Variants in CNOT6L observed in about 807,000 individuals in gnomAD.
The protein encoded by CNOT6L is CCR4-NOT transcription complex subunit 6-like.
Under a neutral mutation model 64.0 loss-of-function variants are expected in CNOT6L, and 7 were observed. That is an observed-to-expected ratio of 0.11 (90% CI 0.06 to 0.21). CNOT6L has a LOEUF of 0.21. Ranked by LOEUF, CNOT6L falls within the 10% of genes least tolerant of loss-of-function variation. The pLI is 1.00. For synonymous variants in CNOT6L, 193 were observed against 243.4 expected (o/e 0.79, Z 1.93); for missense variants, 245 against 669.0 (o/e 0.37, Z 6.99).
chr4:77,772,765 A>G (rs1347915324), intron 4 of CNOT6L, among the ~76,000 whole-genome samples: 1 of 152,106 alleles, frequency 6.6e-6, no homozygotes, highest in Non-Finnish European at 1.5e-5. Context: ...TACTAAAAAT[A>G]CAAAAAAATT....
At chr4:77,794,738 A>G (rs1280558348) in intron 1 of CNOT6L, among the ~76,000 whole-genome samples, 4 of 152,198 alleles carry the variant, frequency 2.6e-5, no homozygotes, top group Middle Eastern at 3.2e-3. Flanking sequence ...TCTCACTTCT[A>G]TTGAAGTTTA....
At chr4:77,749,963 A>C (rs1411955865) in intron 5 of CNOT6L, among the ~76,000 whole-genome samples, 1 of 152,218 alleles carries the variant, frequency 6.6e-6, no homozygotes, top group Non-Finnish European at 1.5e-5. Context: ...ATATTAACGA[A>C]AGCAATAGTA....
At chr4:77,809,938 A>G (rs946615379) in intron 1 of CNOT6L, among the ~76,000 whole-genome samples, 1 of 152,136 alleles carries the variant, frequency 6.6e-6, no homozygotes, top group Non-Finnish European at 1.5e-5. Flanking sequence ...TGAAAGCCCC[A>G]AATTACCAGG....
chr4:77,753,531 C>T (rs1051697052), intron 5 of CNOT6L, among the ~76,000 whole-genome samples: 1 of 151,850 alleles, frequency 6.6e-6, no homozygotes, highest in Non-Finnish European at 1.5e-5. Flanking sequence ...ATTAGCTAGG[C>T]GTGGTGGTGT....
At position 77,767,062 on chromosome 4, in the gene CNOT6L, CAAAAAAAAAAAA is replaced by C. The variant is rs56926683; in HGVS notation, c.400+6007_400+6018del. On this transcript the variant is annotated intron_variant, in intron 4 of 11. Transcript: ENST00000504123. Reference sequence around the variant, plus strand: ...TGGGCAACAGAGCGAAACTCCGTCTCAAAAAAAAAAAAAAAAAAAAAAAAGGGAAAAAAGACA... The same window carrying C: ...TGGGCAACAGAGCGAAACTCCGTCTCAAAAAAAAAAAAGGGAAAAAAGACA... Among the ~76,000 whole-genome samples the C allele has an allele frequency of 4.6e-4, 12 of 25,964 alleles. No individual in the cohort carries two copies. In the South Asian group the frequency reaches 8.6e-3, roughly 19 times the overall value. The allele number at this position is 25,964 out of a possible 152,430, so 17.0% of individuals were successfully genotyped here.
intron 1 of CNOT6L, among the ~76,000 whole-genome samples, chr4:77,792,329 A>G (rs1406677714): frequency 6.6e-6 from 1 of 152,190 alleles, no homozygotes. Flanking sequence ...AGTTTGAACA[A>G]TCAGCAAATT....
intron 1 of CNOT6L, among the ~76,000 whole-genome samples, chr4:77,811,848 C>A (rs751059870): frequency 6.8e-6 from 1 of 146,774 alleles, no homozygotes; most frequent in East Asian, 2.0e-4. Context: ...TGCCTATGGG[C>A]TAGCCTTTCT....
At chr4:77,734,722 T>A (rs1722771049) in intron 8 of CNOT6L, among the ~76,000 whole-genome samples, 1 of 151,514 alleles carries the variant, frequency 6.6e-6, no homozygotes, top group Non-Finnish European at 1.5e-5. Flanking sequence ...CTATTTAATT[T>A]TTAATTTTTT....
chr4:77,818,163 A>G (rs1733780001), intron 1 of CNOT6L, among the ~76,000 whole-genome samples: 1 of 152,214 alleles, frequency 6.6e-6, no homozygotes, highest in Admixed American at 6.5e-5. Flanking sequence ...ATACGGTAAA[A>G]TGTAACACTG....
At chr4:77,790,863 T>C (rs1015737428) in intron 1 of CNOT6L, among the ~76,000 whole-genome samples, 6 of 151,234 alleles carry the variant, frequency 4.0e-5, no homozygotes, top group South Asian at 2.1e-4. Flanking sequence ...TTTCACCATC[T>C]TGGCCAGGCT....
rs1227456460 is a variant in CNOT6L, at chr4:77,719,743, T to C, written c.*688A>G. 2 of 152,576 alleles carry C rather than the reference T, an allele frequency of 1.3e-5. No individual in the cohort carries two copies. The highest frequency in any genetic ancestry group is 2.9e-5 in the Non-Finnish European group (2 of 68,022). 9.5% of individuals were successfully genotyped at this position (152,576 alleles called of 1,614,324 possible). ...TTAATACTTCCAATAAGGTTATATATAAAGGACAAAAAAACCAAAGTGATT... is the reference window on the plus strand; with the variant it reads ...TTAATACTTCCAATAAGGTTATATACAAAGGACAAAAAAACCAAAGTGATT... On this transcript the variant is annotated 3_prime_UTR_variant, in exon 12 of 12. Transcript: ENST00000504123.
At chr4:77,809,478 C>T (rs1560439838) in intron 1 of CNOT6L, among the ~76,000 whole-genome samples, 1 of 152,076 alleles carries the variant, frequency 6.6e-6, no homozygotes, top group Non-Finnish European at 1.5e-5. Flanking sequence ...TTCAAGGCTA[C>T]CATTCTGTAT....
chr4:77,814,046 T>G (rs1733283026), intron 1 of CNOT6L, among the ~76,000 whole-genome samples: 1 of 152,168 alleles, frequency 6.6e-6, no homozygotes, highest in African/African-American at 2.4e-5. Flanking sequence ...GACATACTAT[T>G]CAGCCATTAC....
At chr4:77,746,795 T>G (rs1184390915) in intron 6 of CNOT6L, among the ~76,000 whole-genome samples, 5 of 152,156 alleles carry the variant, frequency 3.3e-5, no homozygotes, top group Admixed American at 2.6e-4. Flanking sequence ...CTTTAAGTTT[T>G]GTAGAAAACC....
chr4:77,799,704 CAAA>C (rs71214370), intron 1 of CNOT6L, among the ~76,000 whole-genome samples: 1 of 90,926 alleles, frequency 1.1e-5, no homozygotes, highest in Non-Finnish European at 2.1e-5. Context: ...AACTCCATCT[CAAA>C]AAAAAAAAAA....
intron 5 of CNOT6L, among the ~76,000 whole-genome samples, chr4:77,753,191 G>GA (rs200937180): frequency 0.34 from 35,451 of 105,272 alleles, 5,485 homozygotes; most frequent in East Asian, 0.53. Context: ...CTTCCTACCA[G>GA]AAAAAAAAAA....
chr4:77,731,621 T>C, intron 8 of CNOT6L, 83 bp from the exon 9 acceptor site: 1 of 1,004,572 alleles, frequency 1.0e-6, no homozygotes. Context: ...ACATGCATTG[T>C]CTCCCTTGTC....
At chr4:77,732,313 G>A (rs1365775537) in intron 8 of CNOT6L, among the ~76,000 whole-genome samples, 4 of 152,176 alleles carry the variant, frequency 2.6e-5, no homozygotes, top group South Asian at 4.1e-4. Context: ...ACATTTAATT[G>A]CAGTGGGATG....
chr4:77,801,699 G>GGGGA (rs1325700857), intron 1 of CNOT6L, among the ~76,000 whole-genome samples: 1 of 126,218 alleles, frequency 7.9e-6, no homozygotes, highest in Admixed American at 8.2e-5. Context: ...TTGGGGGGGG[G>GGGGA]GGAGAATGAA....
Sources: gnomAD v4.1 joint callset for allele counts (sites outside exome capture counted in the v4.1 genomes callset) on GRCh38, gnomAD v4.1.1 for gene constraint, MANE v1.5 for transcripts, NCBI Gene and HGNC (gene_info 2026-07-23, HGNC 2026-07-21) for gene names.